AUTS2: variants seen among roughly 807,000 people sequenced by gnomAD.
AUTS2 encodes the protein activator of transcription and developmental regulator AUTS2, also known as autism susceptibility gene 2 protein.
AUTS2 carries 17 observed loss-of-function variants against 112.4 expected under a neutral mutation model. The observed-to-expected ratio is 0.15, with a 90% CI of 0.10 to 0.23. The LOEUF is 0.23. Ranked by LOEUF, AUTS2 falls within the 10% of genes least tolerant of loss-of-function variation. AUTS2 has a pLI of 1.00. For missense variants in AUTS2, 1,510 were observed against 1,701.6 expected, an observed-to-expected ratio of 0.89 and a Z score of 1.98; for synonymous variants, 751 against 702.7, an observed-to-expected ratio of 1.07 and a Z score of -1.09.
In AUTS2 at chr7:69,957,392, A is replaced by C. The variant is rs566880631; in HGVS notation, c.522+57894A>C. ...TTTTAACAAGTGAGAACTTAGGTTT[A>C]TATCCATGATTGTTAATGATTTACC... is the stretch of plus-strand genomic sequence containing the variant. On this transcript the variant is annotated intron_variant, in intron 2 of 18. Coordinates refer to ENST00000342771, the MANE Select transcript of AUTS2 (RefSeq NM_015570.4). Among the ~76,000 whole-genome samples, 37 of 152,206 alleles carry C rather than the reference A, an allele frequency of 2.4e-4. No individual in the cohort carries two copies. In the South Asian group the frequency reaches 3.5e-3, roughly 15 times the overall value.
At chr7:69,630,436 C>T (rs570298312) in intron 1 of AUTS2, among the ~76,000 whole-genome samples, 3 of 152,230 alleles carry the variant, frequency 2.0e-5, no homozygotes, top group Non-Finnish European at 4.4e-5. Context: ...CACAGGCAGC[C>T]GTGCTAACCA....
At chr7:70,242,127 A>G (rs1353915142) in intron 4 of AUTS2, among the ~76,000 whole-genome samples, 1 of 152,200 alleles carries the variant, frequency 6.6e-6, no homozygotes, top group Non-Finnish European at 1.5e-5. Flanking sequence ...CATAGTTAGT[A>G]TAGGTATCTT....
intron 1 of AUTS2, among the ~76,000 whole-genome samples, chr7:69,723,093 A>T (rs574126621): frequency 6.6e-6 from 1 of 152,262 alleles, no homozygotes; most frequent in South Asian, 2.1e-4. Flanking sequence ...TGCAGGTCAT[A>T]GCAGTCCCTG....
chr7:70,596,430 TCCA>T (rs1803213741), intron 5 of AUTS2: 1 of 152,116 alleles, frequency 6.6e-6, no homozygotes, highest in Non-Finnish European at 1.5e-5. Flanking sequence ...GCCGGCTGGC[TCCA>T]GCCGTGGTAC....
chr7:69,758,890 T>C (rs1469302389), intron 1 of AUTS2, among the ~76,000 whole-genome samples: 1 of 152,180 alleles, frequency 6.6e-6, no homozygotes, highest in Non-Finnish European at 1.5e-5. Flanking sequence ...TGCTAGATCA[T>C]TTCAACCCAG....
chr7:69,876,881 C>T (rs1359679756), intron 1 of AUTS2, among the ~76,000 whole-genome samples: 3 of 151,942 alleles, frequency 2.0e-5, no homozygotes, highest in African/African-American at 7.3e-5. Flanking sequence ...ATACAGTATC[C>T]TATTCAGATA....
At chr7:70,610,605 A>C (rs936123515) in intron 5 of AUTS2, among the ~76,000 whole-genome samples, 9 of 151,646 alleles carry the variant, frequency 5.9e-5, no homozygotes, top group African/African-American at 2.2e-4. Context: ...CACCTGGCTA[A>C]TTTTTAATTT....
chr7:70,453,155 A>G (rs1163983771), intron 5 of AUTS2, among the ~76,000 whole-genome samples: 1 of 152,202 alleles, frequency 6.6e-6, no homozygotes, highest in Non-Finnish European at 1.5e-5. Flanking sequence ...TAAGGGCACC[A>G]TGGGTCCCCT....
At chr7:70,066,693 C>G (rs1166710459) in intron 2 of AUTS2, among the ~76,000 whole-genome samples, 1 of 152,018 alleles carries the variant, frequency 6.6e-6, no homozygotes, top group Non-Finnish European at 1.5e-5. Flanking sequence ...GTGCATGCCA[C>G]CACACCCAGC....
intron 2 of AUTS2, among the ~76,000 whole-genome samples, chr7:69,937,562 G>A (rs1016027891): frequency 6.6e-6 from 1 of 152,200 alleles, no homozygotes; most frequent in Non-Finnish European, 1.5e-5. Context: ...CCACTTGGAT[G>A]GGGGTGCTTC....
intron 5 of AUTS2, among the ~76,000 whole-genome samples, chr7:70,680,822 G>A (rs939496421): frequency 3.3e-5 from 5 of 152,162 alleles, no homozygotes; most frequent in Non-Finnish European, 5.9e-5. Context: ...AACTCATTGC[G>A]AGGAAAATAA....
At chr7:70,748,634 G>A (rs922176154) in intron 6 of AUTS2, among the ~76,000 whole-genome samples, 23 of 152,306 alleles carry the variant, frequency 1.5e-4, no homozygotes, top group Admixed American at 8.5e-4. Context: ...AAAAGACCGC[G>A]TTCTGGAAAA....
At chr7:70,527,752 C>T (rs1799903071) in intron 5 of AUTS2, among the ~76,000 whole-genome samples, 1 of 152,156 alleles carries the variant, frequency 6.6e-6, no homozygotes, top group Admixed American at 6.5e-5. Flanking sequence ...GTTGAATTCA[C>T]TGGGGGGGAA....
chr7:70,661,159 C>T (rs1011756615), intron 5 of AUTS2, among the ~76,000 whole-genome samples: 3 of 151,578 alleles, frequency 2.0e-5, no homozygotes, highest in African/African-American at 4.9e-5. Flanking sequence ...AATTACCTGA[C>T]AGGAGAAAGA....
At chr7:69,613,915 C>T (rs1202791472) in intron 1 of AUTS2, among the ~76,000 whole-genome samples, 3 of 152,150 alleles carry the variant, frequency 2.0e-5, no homozygotes, top group African/African-American at 7.2e-5. Context: ...TTGATTTCCT[C>T]TGTCATTGTT....
chr7:69,625,579 C>T (rs2129096629), intron 1 of AUTS2, among the ~76,000 whole-genome samples: 1 of 152,212 alleles, frequency 6.6e-6, no homozygotes, highest in East Asian at 1.9e-4. Context: ...GTTATTTGGG[C>T]TGCGCACGGT....
chr7:70,419,637 G>C (rs899920391), intron 4 of AUTS2, among the ~76,000 whole-genome samples: 5 of 152,094 alleles, frequency 3.3e-5, no homozygotes, highest in Non-Finnish European at 7.3e-5. Flanking sequence ...AGTTGAGCTA[G>C]ACAGTATGGA....
chr7:70,776,976 G>C (rs112639933), intron 13 of AUTS2, 127 bp from the exon 14 acceptor site: 1 of 831,718 alleles, frequency 1.2e-6, no homozygotes, highest in Non-Finnish European at 2.0e-6. Flanking sequence ...CACTTGGAGA[G>C]TACAAAGCAC....
At chr7:70,573,925 G>C (rs1179382081) in intron 5 of AUTS2, among the ~76,000 whole-genome samples, 1 of 152,148 alleles carries the variant, frequency 6.6e-6, no homozygotes, top group African/African-American at 2.4e-5. Flanking sequence ...GCATCATCCA[G>C]ATCTTGCTGA....
Sources: gnomAD v4.1 joint callset for allele counts (sites outside exome capture counted in the v4.1 genomes callset) on GRCh38, gnomAD v4.1.1 for gene constraint, MANE v1.5 for transcripts, NCBI Gene and HGNC (gene_info 2026-07-23, HGNC 2026-07-21) for gene names.